The following ZNF57 variants were observed in gnomAD, a reference collection of about 807,000 sequenced individuals.
ZNF57 encodes zinc finger protein 424.
In ZNF57, 11 loss-of-function variants were observed where a neutral mutation model predicts 13.4. That is an observed-to-expected ratio of 0.82 (90% CI 0.52 to 1.36). ZNF57 has a LOEUF of 1.36. Ranked by LOEUF, ZNF57 falls within the 40% of genes most tolerant of loss-of-function variation. The pLI is 0.00. For synonymous variants in ZNF57, 224 were observed against 238.5 expected, an observed-to-expected ratio of 0.94 and a Z score of 0.56; for missense variants, 696 against 667.5, an observed-to-expected ratio of 1.04 and a Z score of -0.47.
intron 1 of ZNF57, among the ~76,000 whole-genome samples, chr19:2,903,022 C>T (rs35271953): frequency 6.6e-6 from 1 of 152,178 alleles, no homozygotes; most frequent in Non-Finnish European, 1.5e-5. Flanking sequence ...CGGGGTCTGG[C>T]TGGGCAGCCT....
At chr19:2,901,189 C>A in intron 1 of ZNF57, 141 bp downstream of exon 1, 1 of 1,185,872 alleles carries the variant, frequency 8.4e-7, no homozygotes, top group Non-Finnish European at 1.1e-6. Flanking sequence ...GACCCGGGGA[C>A]GCCATCACAG....
At chr19:2,903,552 C>T (rs11672298) in intron 1 of ZNF57, among the ~76,000 whole-genome samples, 6,127 of 151,938 alleles carry the variant, frequency 0.04, 177 homozygotes, top group Non-Finnish European at 0.059. Flanking sequence ...CCTTACTGCC[C>T]GCATAAATAG....
Position 2,915,420 on chromosome 19 carries a change from T to G in ZNF57, c.4-102T>G, listed in dbSNP as rs554277872. On this transcript the variant is annotated intron_variant, in intron 1 of 3. Coordinates refer to ENST00000306908, the MANE Select transcript of ZNF57 (RefSeq NM_173480.3). ...TAACATTCGCGTCATAGAGGAGGTG[T>G]TGGGACACCACAGAATCTTGTTTGA... is the stretch of plus-strand genomic sequence containing the variant. 6.8e-5 allele frequency: 101 copies of G among 1,491,322 alleles called. 1 individual carries two copies. The highest frequency in any genetic ancestry group is 8.5e-5 in the Non-Finnish European group (94 of 1,101,302). The allele number at this position is 1,491,322 out of a possible 1,614,324, so 92.4% of individuals were successfully genotyped here. A position where few individuals can be genotyped will look rare whatever the true frequency, so the allele number is the denominator to read the frequency against.
At chr19:2,904,531 GTTTT>G (rs2088056852) in intron 1 of ZNF57, among the ~76,000 whole-genome samples, 1 of 151,812 alleles carries the variant, frequency 6.6e-6, no homozygotes, top group Non-Finnish European at 1.5e-5. Flanking sequence ...TTGTTTCTTT[GTTTT>G]TGTTTGTTTG....
rs571606142 is a variant in ZNF57 at position 2,918,135 on chromosome 19, A to C, written c.1514A>C (p.Lys505Thr). ...VRMHTGEKPH[K>T]CKQCGMSFKW... ...ATGCACACTGGAGAGAAACCTCACA[A>C]ATGTAAACAATGTGGGATGTCCTTC... is the stretch of plus-strand genomic sequence containing the variant. The change falls in exon 4 of 4, where the codon AAA (lysine) becomes ACA (threonine). Residue 505 changes from lysine to threonine, a missense_variant. Around this residue, in one of 3 missense-constraint regions of ZNF57, gnomAD observed 645 missense variants for 591.5 expected, o/e 1.09. Transcript: ENST00000306908. 1.9e-6 allele frequency: 3 copies of C among 1,614,246 alleles called. No homozygotes were observed. The African/African-American group carries it at 4.0e-5, about 22-fold the overall frequency.
chr19:2,903,490 G>T (rs750081482), intron 1 of ZNF57, among the ~76,000 whole-genome samples: 5 of 152,164 alleles, frequency 3.3e-5, no homozygotes, highest in Non-Finnish European at 7.3e-5. Flanking sequence ...GGGATTTCAG[G>T]CGTGAGCCAC....
intron 1 of ZNF57, among the ~76,000 whole-genome samples, chr19:2,908,077 A>AT (rs1224789664): frequency 1.3e-5 from 2 of 152,094 alleles, no homozygotes; most frequent in Non-Finnish European, 2.9e-5. Flanking sequence ...TTAACTTTGG[A>AT]TTTTCCCATA....
chr19:2,908,461 GTT>G (rs60289248), intron 1 of ZNF57, among the ~76,000 whole-genome samples: 11 of 122,638 alleles, frequency 9.0e-5, no homozygotes, highest in Admixed American at 7.4e-4. Context: ...TATTTTTTTG[GTT>G]TTTTTTTTTT....
chr19:2,913,879 G>A (rs909664353), intron 1 of ZNF57, among the ~76,000 whole-genome samples: 5 of 152,274 alleles, frequency 3.3e-5, no homozygotes, highest in Admixed American at 1.3e-4. Flanking sequence ...GAGCTCCAGC[G>A]ATCCATCTGC....
chr19:2,903,708 C>T (rs1400284363), intron 1 of ZNF57, among the ~76,000 whole-genome samples: 2 of 110,938 alleles, frequency 1.8e-5, no homozygotes, highest in African/African-American at 3.2e-5. Context: ...TTTAATTTTG[C>T]CTCCTTTGAA....
intron 1 of ZNF57, among the ~76,000 whole-genome samples, chr19:2,913,023 G>A (rs1324683214): frequency 1.3e-5 from 2 of 152,056 alleles, no homozygotes; most frequent in East Asian, 1.9e-4. Flanking sequence ...GTGCGATCTC[G>A]GCTCACTGCA....
intron 1 of ZNF57, 133 bp downstream of exon 1, chr19:2,901,181 CCCGGGGACGCCATCACAGCGG>C (rs2088026268): frequency 8.0e-7 from 1 of 1,244,884 alleles, no homozygotes; most frequent in African/African-American, 1.6e-5. Context: ...GCACCTGGGA[CCCGGGGACGCCATCACAGCGG>C]CCGGGCTGGA....
At position 2,918,131 on chromosome 19, in the gene ZNF57, C is replaced by T. The variant is rs1268066106; in HGVS notation, c.1510C>T (p.His504Tyr). The T allele has an allele frequency of 6.2e-7, 1 of 1,614,128 alleles. No individual in the cohort carries two copies. The highest frequency in any genetic ancestry group is 1.7e-5 in the Admixed American group (1 of 59,998). Reference protein sequence around the residue: ...HVRMHTGEKPHKCKQCGMSFK... With the variant: ...HVRMHTGEKPYKCKQCGMSFK... ...GAGGATGCACACTGGAGAGAAACCT[C>T]ACAAATGTAAACAATGTGGGATGTC... Residue 504 changes from histidine (H) to tyrosine (Y), a missense_variant, in exon 4 of 4, where the codon CAC becomes TAC. By Grantham distance (83) the His-to-Tyr change is moderately conservative. Around this residue, in one of 3 missense-constraint regions of ZNF57, gnomAD observed 645 missense variants for 591.5 expected, o/e 1.09. Transcript: ENST00000306908.
At chr19:2,905,410 C>CCCT (rs1555677376) in intron 1 of ZNF57, among the ~76,000 whole-genome samples, 1 of 67,054 alleles carries the variant, frequency 1.5e-5, no homozygotes, top group Admixed American at 1.0e-4. Context: ...GGTGATCGCC[C>CCCT]CCCCCCCCTC....
At chr19:2,906,489 A>T (rs1011516863) in intron 1 of ZNF57, among the ~76,000 whole-genome samples, 1 of 152,228 alleles carries the variant, frequency 6.6e-6, no homozygotes, top group Admixed American at 6.5e-5. Flanking sequence ...TATTTTAGCA[A>T]TGTTGATTAT....
At position 2,916,214 on chromosome 19, in the gene ZNF57, A is replaced by G. The variant is rs1346358134; in HGVS notation, c.267A>G (p.Glu89=). 1 of 1,613,302 alleles carries G rather than the reference A, an allele frequency of 6.2e-7. No homozygotes were observed. The highest frequency in any genetic ancestry group is 1.3e-5 in the African/African-American group (1 of 74,900). ...CCTACACTTTAGAAAAAAATTGTGA[A>G]GGCTATGGCACTGAAGACCACCACA... is the stretch of plus-strand genomic sequence containing the variant. The part of the protein sequence containing the change: ...SCAYTLEKNC[E]GYGTEDHHKN... Residue 89 remains glutamate (E), a synonymous_variant, in exon 3 of 4, where the codon GAA becomes GAG. Transcript: ENST00000306908.
intron 1 of ZNF57, among the ~76,000 whole-genome samples, chr19:2,909,745 G>C (rs115175032): frequency 0.13 from 5,922 of 46,756 alleles, 2,670 homozygotes; most frequent in Middle Eastern, 0.59. Flanking sequence ...CCAGGGTGAT[G>C]TGAAACTCCT....
rs1258331033 is a variant in ZNF57, at chr19:2,909,275, A to ATTTTTTTTT, written c.4-6242_4-6241insTTTTTTTTT. On this transcript the variant is annotated intron_variant, in intron 1 of 3. Transcript: ENST00000306908. ...CCTTATAATAGATTTTATTTTATTT[A>ATTTTTTTTT]TTTTTGTTTTTTTTTTTTTTTTTGA... 5.9e-4 allele frequency among the ~76,000 whole-genome samples: 61 copies of ATTTTTTTTT among 103,762 alleles called. 2 individuals carry two copies. Among genetic ancestry groups the ATTTTTTTTT allele is most frequent in the Non-Finnish European group, 1.0e-3 (49 of 48,986 alleles). The allele number at this position is 103,762 out of a possible 152,430, so 68.1% of individuals were successfully genotyped here. A position where few individuals can be genotyped will look rare whatever the true frequency, so the allele number is the denominator to read the frequency against.
chr19:2,903,842 C>CGT (rs2088050266), intron 1 of ZNF57, among the ~76,000 whole-genome samples: 1 of 151,732 alleles, frequency 6.6e-6, no homozygotes, highest in Admixed American at 6.6e-5. Flanking sequence ...CAGCCTCCTG[C>CGT]GTAGCTGGGA....
Sources: gnomAD v4.1 joint callset for allele counts (sites outside exome capture counted in the v4.1 genomes callset) on GRCh38, gnomAD v4.1.1 for gene constraint, gnomAD v4.1.1 regional missense constraint, MANE v1.5 for transcripts, NCBI Gene and HGNC (gene_info 2026-07-23, HGNC 2026-07-21) for gene names.